RBM33: variants seen among roughly 807,000 people sequenced by gnomAD.
RBM33 encodes RNA binding motif protein 33, also known as RNA-binding protein 33.
RBM33 carries 28 observed loss-of-function variants against 132.6 expected under a neutral mutation model. The observed-to-expected ratio is 0.21, with a 90% CI of 0.16 to 0.29. The LOEUF (loss-of-function observed/expected upper bound fraction) is 0.29, where lower values mean the gene tolerates loss of function less well. RBM33 is among the 10% of genes least tolerant of loss of function. The pLI, the probability that RBM33 is intolerant of heterozygous loss-of-function variation, is 1.00. For synonymous variants in RBM33, 634 were observed against 593.0 expected, an observed-to-expected ratio of 1.07 and a Z score of -1.01; for missense variants, 1,291 against 1,518.5, an observed-to-expected ratio of 0.85 and a Z score of 2.49.
At chr7:155,667,036 T>C (rs1390455082) in intron 2 of RBM33, among the ~76,000 whole-genome samples, 3 of 152,210 alleles carry the variant, frequency 2.0e-5, no homozygotes, top group Admixed American at 6.5e-5. Context: ...TGTCAACTTA[T>C]GTTGTCATTC....
chr7:155,682,112 G>A (rs150370403), intron 5 of RBM33, among the ~76,000 whole-genome samples: 9,795 of 151,998 alleles, frequency 0.064, 475 homozygotes, highest in African/African-American at 0.14. Context: ...GTAGAGATGG[G>A]GTTTCCCCAT....
chr7:155,743,745 A>G (rs947687307), intron 13 of RBM33, among the ~76,000 whole-genome samples: 1 of 152,126 alleles, frequency 6.6e-6, no homozygotes, highest in African/African-American at 2.4e-5. Context: ...GCTGTTCTGA[A>G]CATGCTTTAA....
rs542553259 is a variant in RBM33 at position 155,718,759 on chromosome 7, T to G, written c.1260+316T>G. Among the ~76,000 whole-genome samples, 4 of 152,112 alleles carry G rather than the reference T, an allele frequency of 2.6e-5. No individual in the cohort carries two copies. In the East Asian group the frequency reaches 7.7e-4, roughly 29 times the overall value. Reference sequence around the variant, plus strand: ...AAAGGGCCTTGCTTTATTAGAGAGGTGGGGGGTGTATGTGTGCATGCACGC... The same window carrying G: ...AAAGGGCCTTGCTTTATTAGAGAGGGGGGGGGTGTATGTGTGCATGCACGC... On this transcript the variant is annotated intron_variant, in intron 9 of 17. Transcript: ENST00000401878.
At chr7:155,660,514 T>G (rs960195147) in intron 1 of RBM33, among the ~76,000 whole-genome samples, 1 of 152,230 alleles carries the variant, frequency 6.6e-6, no homozygotes, top group Non-Finnish European at 1.5e-5. Context: ...GTGAATGTCT[T>G]TATGAAAGAT....
At chr7:155,673,628 A>C in intron 3 of RBM33, among the ~76,000 whole-genome samples, 1 of 39,932 alleles carries the variant, frequency 2.5e-5, no homozygotes, top group East Asian at 7.4e-4. Flanking sequence ...ATATATATAC[A>C]CACATATACA....
chr7:155,737,216 TGTGTAGAAA>T (rs1213314543), intron 9 of RBM33, among the ~76,000 whole-genome samples: 16 of 151,692 alleles, frequency 1.1e-4, no homozygotes, highest in Admixed American at 2.0e-4. Flanking sequence ...ACAGGCTAGG[TGTGTAGAAA>T]GCGCTACCAT....
chr7:155,758,408 G>C (rs142487309), intron 14 of RBM33, among the ~76,000 whole-genome samples: 172 of 152,308 alleles, frequency 1.1e-3, no homozygotes, highest in African/African-American at 4.0e-3. Flanking sequence ...TTGCACCTCA[G>C]ATCATCAGAC....
At chr7:155,690,351 G>A (rs1318228790) in intron 5 of RBM33, among the ~76,000 whole-genome samples, 1 of 151,906 alleles carries the variant, frequency 6.6e-6, no homozygotes, top group African/African-American at 2.4e-5. Flanking sequence ...TTTATTTTGA[G>A]CCTATATGTG....
At chr7:155,715,632 C>G (rs988114199) in intron 8 of RBM33, among the ~76,000 whole-genome samples, 90 of 152,282 alleles carry the variant, frequency 5.9e-4, no homozygotes, top group African/African-American at 2.0e-3. Flanking sequence ...GCTTTAGTGC[C>G]GCATGTCCCT....
chr7:155,727,204 C>A (rs965942292), intron 9 of RBM33, among the ~76,000 whole-genome samples: 2 of 152,082 alleles, frequency 1.3e-5, no homozygotes, highest in African/African-American at 2.4e-5. Context: ...TATTCCAGGC[C>A]GAAAGGAGGA....
rs1802751100 is a variant in RBM33 at position 155,779,785 on chromosome 7, T to C, written c.*4744T>C. The C allele has an allele frequency of 6.6e-6, 1 of 152,226 alleles. No individual in the cohort carries two copies. The highest frequency in any genetic ancestry group is 1.5e-5 in the Non-Finnish European group (1 of 68,036). 9.4% of individuals were successfully genotyped at this position (152,226 alleles called of 1,614,324 possible). On this transcript the variant is annotated 3_prime_UTR_variant, in exon 18 of 18. Transcript: ENST00000401878. ...TCTCAACTCTCTCTTTTCTGTGTCA[T>C]GTTTTGGTAGGAAATCTTTAAGATT... is the stretch of plus-strand genomic sequence containing the variant.
intron 14 of RBM33, among the ~76,000 whole-genome samples, chr7:155,754,477 A>G (rs1585531651): frequency 1.3e-5 from 2 of 152,206 alleles, no homozygotes; most frequent in East Asian, 3.8e-4. Context: ...TGTGGCTGGA[A>G]GAGCTAGACT....
In RBM33 at chr7:155,644,806, G is replaced by C; in HGVS notation, c.-71G>C. On this transcript the variant is annotated 5_prime_UTR_variant, in exon 1 of 18. Transcript: ENST00000401878. Reference sequence around the variant, plus strand: ...TCTGTCCTCCGTCACCCGTACCCGGGCCCGGACCAGGCACGTCGGCCCACC... The same window carrying C: ...TCTGTCCTCCGTCACCCGTACCCGGCCCCGGACCAGGCACGTCGGCCCACC... The C allele has an allele frequency of 7.7e-7, 1 of 1,305,472 alleles. No individual in the cohort carries two copies. The highest frequency in any genetic ancestry group is 1.0e-6 in the Non-Finnish European group (1 of 987,920). The allele number at this position is 1,305,472 out of a possible 1,614,324, so 80.9% of individuals were successfully genotyped here. A position where few individuals can be genotyped will look rare whatever the true frequency, so the allele number is the denominator to read the frequency against.
chr7:155,697,661 A>G (rs1180402638), intron 5 of RBM33, among the ~76,000 whole-genome samples: 1 of 152,024 alleles, frequency 6.6e-6, no homozygotes, highest in East Asian at 1.9e-4. Flanking sequence ...AGAATATTGA[A>G]TTTTCTTTCA....
chr7:155,682,354 C>T (rs1799359440), intron 5 of RBM33, among the ~76,000 whole-genome samples: 1 of 151,926 alleles, frequency 6.6e-6, no homozygotes, highest in Non-Finnish European at 1.5e-5. Context: ...TTTCCATAAC[C>T]CTGTAATAAT....
chr7:155,706,214 G>A (rs1438857702), intron 6 of RBM33, among the ~76,000 whole-genome samples: 1 of 152,184 alleles, frequency 6.6e-6, no homozygotes, highest in East Asian at 1.9e-4. Context: ...ACTGCAGGCT[G>A]GGCGCGGTGG....
At chr7:155,746,666 G>A (rs1801526814) in intron 14 of RBM33, 2 of 152,152 alleles carry the variant, frequency 1.3e-5, no homozygotes, top group Non-Finnish European at 1.5e-5. Context: ...ATTAGTTGTG[G>A]TAAGTAGCTC....
chr7:155,734,291 T>A (rs1260802315), intron 9 of RBM33, among the ~76,000 whole-genome samples: 1 of 152,110 alleles, frequency 6.6e-6, no homozygotes, highest in Non-Finnish European at 1.5e-5. Context: ...GTTAGAAACC[T>A]CCTCCCTCTG....
intron 6 of RBM33, 96 bp downstream of exon 6, chr7:155,701,040 C>T: frequency 9.0e-7 from 1 of 1,114,794 alleles, no homozygotes; most frequent in Non-Finnish European, 1.3e-6. Context: ...AGAAGGTTGA[C>T]TAGGTAATTG....
Sources: gnomAD v4.1 joint callset for allele counts (sites outside exome capture counted in the v4.1 genomes callset) on GRCh38, gnomAD v4.1.1 for gene constraint, MANE v1.5 for transcripts, NCBI Gene and HGNC (gene_info 2026-07-23, HGNC 2026-07-21) for gene names.